ZC3H12B: variants seen among roughly 807,000 people sequenced by gnomAD.
The protein encoded by ZC3H12B is zinc finger CCCH-type containing 12B.
ZC3H12B carries 7 observed loss-of-function variants against 43.9 expected under a neutral mutation model. That is an observed-to-expected ratio of 0.16 (90% confidence interval 0.09 to 0.30). The LOEUF (loss-of-function observed/expected upper bound fraction) is 0.30, where lower values mean the gene tolerates loss of function less well. Among genes scored for constraint, ZC3H12B ranks in the 10% least tolerant of loss-of-function variants. The probability of loss-of-function intolerance (pLI) is 1.00; values close to 1 mark genes in which losing one functional copy is unlikely to be tolerated. For synonymous variants in ZC3H12B, 222 were observed against 241.7 expected, an observed-to-expected ratio of 0.92 and a Z score of 0.76; for missense variants, 475 against 670.2, an observed-to-expected ratio of 0.71 and a Z score of 3.22.
chrX:65,380,002 G>T (rs1348263413), intron 2 of ZC3H12B, among the ~76,000 whole-genome samples: 1 of 112,175 alleles, frequency 8.9e-6, no homozygotes, highest in African/African-American at 3.2e-5. Flanking sequence ...GAAAGTCACG[G>T]GGAGAATGGA....
At chrX:65,402,577 A>T (rs1428768978) in intron 3 of ZC3H12B, among the ~76,000 whole-genome samples, 1 of 112,182 alleles carries the variant, frequency 8.9e-6, no homozygotes, top group Non-Finnish European at 1.9e-5. Context: ...TGATGGCCAC[A>T]GGGATGCTTG....
At chrX:65,356,440 T>C in the ZC3H12B span, among the ~76,000 whole-genome samples, 6 of 111,932 alleles carry the variant, frequency 5.4e-5, no homozygotes, top group Admixed American at 1.9e-4. Flanking sequence ...AATGCAGTTA[T>C]ATTGTTGACA....
chrX:65,092,491 C>A, the ZC3H12B span, among the ~76,000 whole-genome samples: 6 of 111,601 alleles, frequency 5.4e-5, no homozygotes, highest in African/African-American at 2.0e-4. Context: ...ACAGTGAAGG[C>A]CAGGCTCAGG....
chrX:65,385,313 CT>C (rs1379575428), intron 2 of ZC3H12B, among the ~76,000 whole-genome samples: 1 of 111,826 alleles, frequency 8.9e-6, no homozygotes. Flanking sequence ...TTTGTGTCCT[CT>C]TTTATTTCTT....
the ZC3H12B span, among the ~76,000 whole-genome samples, chrX:65,204,377 G>A: frequency 9.0e-6 from 1 of 111,511 alleles, no homozygotes; most frequent in Non-Finnish European, 1.9e-5. Flanking sequence ...TGGGGAGAGC[G>A]AGTTTAGATT....
the ZC3H12B span, among the ~76,000 whole-genome samples, chrX:65,276,080 T>C: frequency 9.0e-6 from 1 of 110,723 alleles, no homozygotes; most frequent in Non-Finnish European, 1.9e-5. Context: ...AACAACAGAC[T>C]AGACCAAGCA....
chrX:65,304,460 C>CA, the ZC3H12B span, among the ~76,000 whole-genome samples: 2 of 110,217 alleles, frequency 1.8e-5, no homozygotes, highest in Admixed American at 9.6e-5. Flanking sequence ...ACTAAAAATA[C>CA]AAAAAAATAG....
the ZC3H12B span, among the ~76,000 whole-genome samples, chrX:65,211,345 A>G: frequency 9.2e-6 from 1 of 109,276 alleles, no homozygotes; most frequent in Non-Finnish European, 1.9e-5. Flanking sequence ...CTGTGGGAAT[A>G]AAAATTAACA....
Position 65,374,067 on chromosome X carries a change from A to T in ZC3H12B, n.295+5069A>T, listed in dbSNP as rs746894710. On this transcript the variant is annotated intron_variant and non_coding_transcript_variant, in intron 2 of 5. Coordinates refer to the ZC3H12B transcript ENST00000617377. Reference sequence around the variant, plus strand: ...ACAGTATATATAACTATATATATACAGTATATATAACTATATATAGTATAT... The same window carrying T: ...ACAGTATATATAACTATATATATACTGTATATATAACTATATATAGTATAT... Among the ~76,000 whole-genome samples, 474 of 57,834 alleles carry T rather than the reference A, an allele frequency of 8.2e-3. 1 individual carries two copies. Among genetic ancestry groups the T allele is most frequent in the Middle Eastern group, 0.017 (2 of 121 alleles). The allele number at this position is 57,834 out of a possible 115,157, so 50.2% of individuals were successfully genotyped here.
the ZC3H12B span, among the ~76,000 whole-genome samples, chrX:65,273,222 A>T: frequency 8.9e-6 from 1 of 112,269 alleles, no homozygotes; most frequent in South Asian, 3.6e-4. Context: ...TAGTTCCAAA[A>T]TTTTAAAAGA....
At chrX:65,350,323 T>C in the ZC3H12B span, among the ~76,000 whole-genome samples, 3 of 111,821 alleles carry the variant, frequency 2.7e-5, no homozygotes, top group South Asian at 1.1e-3. Flanking sequence ...AAAGTGGGTA[T>C]TAATAGAATG....
the ZC3H12B span, among the ~76,000 whole-genome samples, chrX:65,050,024 A>T: frequency 1.8e-5 from 2 of 111,188 alleles, no homozygotes; most frequent in East Asian, 5.6e-4. Context: ...TGAAATTTTT[A>T]TTAAGATTTC....
the ZC3H12B span, among the ~76,000 whole-genome samples, chrX:65,169,216 A>T: frequency 6.3e-5 from 7 of 111,649 alleles, no homozygotes; most frequent in Non-Finnish European, 9.4e-5. Flanking sequence ...TGTGTCCCAG[A>T]GATTCTGGTA....
chrX:65,404,459 C>T (rs1278225119), intron 3 of ZC3H12B, among the ~76,000 whole-genome samples: 1 of 111,257 alleles, frequency 9.0e-6, no homozygotes, highest in Non-Finnish European at 1.9e-5. Context: ...CTACTAGAAA[C>T]ACACTTTACC....
the ZC3H12B span, among the ~76,000 whole-genome samples, chrX:65,120,855 A>G: frequency 0.082 from 9,172 of 111,259 alleles, 1,028 homozygotes; most frequent in African/African-American, 0.29. Flanking sequence ...GTTTTTTAGC[A>G]TGAAGAGTTG....
the ZC3H12B span, among the ~76,000 whole-genome samples, chrX:65,066,438 C>G: frequency 8.9e-6 from 1 of 111,746 alleles, no homozygotes; most frequent in Non-Finnish European, 1.9e-5. Context: ...AGGTCCACTC[C>G]AGACCCTGTT....
At chrX:65,051,853 G>A in the ZC3H12B span, among the ~76,000 whole-genome samples, 1 of 110,424 alleles carries the variant, frequency 9.1e-6, no homozygotes, top group Non-Finnish European at 1.9e-5. Flanking sequence ...AATCACAGGG[G>A]TACCTAAAAC....
the ZC3H12B span, among the ~76,000 whole-genome samples, chrX:65,200,423 C>T: frequency 5.3e-5 from 5 of 93,694 alleles, no homozygotes; most frequent in East Asian, 1.5e-3. Context: ...ATGATAGTTT[C>T]CTCTTTTTTT....
intron 3 of ZC3H12B, among the ~76,000 whole-genome samples, chrX:65,425,462 T>C (rs942043102): frequency 1.8e-5 from 2 of 111,073 alleles, no homozygotes; most frequent in Non-Finnish European, 3.8e-5. Flanking sequence ...CTTTATTTTT[T>C]TTTCTCTTGC....
Sources: allele counts gnomAD v4.1 joint callset (sites outside exome capture counted in the v4.1 genomes callset), GRCh38; gene constraint gnomAD v4.1.1; transcripts MANE v1.5; gene names NCBI Gene and HGNC (gene_info 2026-07-23, HGNC 2026-07-21).